Variants in CRLF3 observed in about 807,000 individuals in gnomAD.
CRLF3 encodes the protein cytokine receptor-like factor 3.
CRLF3 carries 33 observed loss-of-function variants against 55.0 expected under a neutral mutation model. That is an observed-to-expected ratio of 0.60 (90% CI 0.46 to 0.80). The LOEUF (loss-of-function observed/expected upper bound fraction) is 0.80, where lower values mean the gene tolerates loss of function less well. Ranked by LOEUF, CRLF3 falls within the 30% of genes least tolerant of loss-of-function variation. The pLI is 0.00. For synonymous variants in CRLF3, 238 were observed against 196.8 expected (o/e 1.21, Z -1.75); for missense variants, 494 against 538.4 (o/e 0.92, Z 0.82).
At chr17:30,791,956 C>G (rs1971811732) in intron 6 of CRLF3, among the ~76,000 whole-genome samples, 1 of 152,134 alleles carries the variant, frequency 6.6e-6, no homozygotes. Context: ...AAGCAATTCT[C>G]CTGCCTCAGC....
intron 4 of CRLF3, among the ~76,000 whole-genome samples, chr17:30,794,409 G>A (rs962516315): frequency 6.6e-6 from 1 of 152,024 alleles, no homozygotes; most frequent in Non-Finnish European, 1.5e-5. Flanking sequence ...ATAAATAAGC[G>A]TTCTACAGGA....
Position 30,797,307 on chromosome 17 carries a change from T to A in CRLF3, c.425+4A>T, listed in dbSNP as rs1466627240. On this transcript the variant is annotated splice_donor_region_variant and intron_variant, in intron 3 of 7. Transcript: ENST00000324238. ...GTAAGTCAAAAAGGCACAAACTCTT[T>A]TACCTGTCCAACTGAATGTGCGAGG... 6.2e-7 allele frequency: 1 copy of A among 1,607,128 alleles called. No individual in the cohort carries two copies. The highest frequency in any genetic ancestry group is 1.3e-5 in the African/African-American group (1 of 74,924).
intron 1 of CRLF3, among the ~76,000 whole-genome samples, chr17:30,813,041 A>T (rs1904670865): frequency 1.3e-5 from 2 of 152,186 alleles, no homozygotes; most frequent in Non-Finnish European, 2.9e-5. Flanking sequence ...CAGGAGAACT[A>T]CCTATCTGAG....
intron 6 of CRLF3, chr17:30,790,952 T>G (rs992185376): frequency 1.4e-5 from 2 of 146,438 alleles, no homozygotes; most frequent in Non-Finnish European, 3.0e-5. Context: ...GGAGTCTCGC[T>G]CAGTCACCCA....
chr17:30,796,010 C>T, intron 4 of CRLF3, 150 bp downstream of exon 4: 1 of 462,428 alleles, frequency 2.2e-6, no homozygotes, highest in Non-Finnish European at 3.8e-6. Context: ...CTCAGTGTTC[C>T]ATGTGACTTC....
chr17:30,785,816 A>T (rs912943833), intron 7 of CRLF3, 103 bp downstream of exon 7: 3 of 617,692 alleles, frequency 4.9e-6, no homozygotes, highest in Non-Finnish European at 8.2e-6. Flanking sequence ...AAATACCTAA[A>T]TTTTCTCATC....
intron 6 of CRLF3, among the ~76,000 whole-genome samples, chr17:30,787,045 G>C (rs1373543307): frequency 6.6e-6 from 1 of 152,068 alleles, no homozygotes; most frequent in East Asian, 1.9e-4. Flanking sequence ...ATGTTGCTCA[G>C]GCTGGTCTTG....
chr17:30,804,117 A>G lies in CRLF3; in HGVS notation c.130-9T>C, dbSNP rs748446679. The G allele has an allele frequency of 7.0e-6, 11 of 1,580,582 alleles. No homozygotes were observed. Among genetic ancestry groups the G allele is most frequent in the Non-Finnish European group, 8.7e-6 (10 of 1,151,404 alleles). ...GATGCACTTTCTTTGATCTAAAAAG[A>G]AATAACAAAATACTCAAAATCAGAA... is the stretch of plus-strand genomic sequence containing the variant. On this transcript the variant is annotated splice_polypyrimidine_tract_variant and intron_variant, in intron 1 of 7. Transcript: ENST00000324238.
chr17:30,815,084 C>CTTTTTTTTTTTTTT (rs541526248), intron 1 of CRLF3, among the ~76,000 whole-genome samples: 8 of 107,528 alleles, frequency 7.4e-5, no homozygotes, highest in Admixed American at 1.0e-4. Flanking sequence ...TTCTTTCTTT[C>CTTTTTTTTTTTTTT]TTTTTTTTTT....
At chr17:30,790,418 G>T (rs553736646) in intron 6 of CRLF3, among the ~76,000 whole-genome samples, 1 of 151,914 alleles carries the variant, frequency 6.6e-6, no homozygotes, top group Admixed American at 6.6e-5. Context: ...CAAGAAAAAA[G>T]AAACTTTTCC....
rs148294038 is a variant in CRLF3 at position 30,820,722 on chromosome 17, G to A, written c.129+3801C>T. On this transcript the variant is annotated intron_variant, in intron 1 of 7. Transcript: ENST00000324238. ...CAGGAGAATCTCTTGAACCCAAGAG[G>A]CGGAGGTTGCAGTGAGCCTAAGGTT... Among the ~76,000 whole-genome samples, 1,311 of 151,756 alleles carry A rather than the reference G, an allele frequency of 8.6e-3. 20 individuals carry two copies. The highest frequency in any genetic ancestry group is 0.03 in the African/African-American group (1,235 of 41,362).
chr17:30,823,172 G>A (rs907441117), intron 1 of CRLF3, among the ~76,000 whole-genome samples: 46 of 151,998 alleles, frequency 3.0e-4, no homozygotes, highest in African/African-American at 1.1e-3. Context: ...GATCATCCTG[G>A]CCAACCTGGT....
At chr17:30,792,993 G>GA (rs1377089432) in intron 5 of CRLF3, among the ~76,000 whole-genome samples, 3 of 147,866 alleles carry the variant, frequency 2.0e-5, no homozygotes, top group South Asian at 4.3e-4. Context: ...CCAGTCTCTA[G>GA]AAAAAAATAA....
At chr17:30,791,155 T>G (rs920028717) in intron 6 of CRLF3, among the ~76,000 whole-genome samples, 16 of 151,904 alleles carry the variant, frequency 1.1e-4, no homozygotes, top group African/African-American at 3.6e-4. Context: ...ACTGCAACAT[T>G]TGCCTCCCGG....
At chr17:30,816,023 C>T (rs372002029) in intron 1 of CRLF3, among the ~76,000 whole-genome samples, 3 of 149,530 alleles carry the variant, frequency 2.0e-5, no homozygotes, top group East Asian at 2.0e-4. Context: ...GTGGCTCACA[C>T]CTGTAATCCC....
At chr17:30,794,031 G>A (rs900560664) in intron 4 of CRLF3, among the ~76,000 whole-genome samples, 1 of 151,814 alleles carries the variant, frequency 6.6e-6, no homozygotes, top group Non-Finnish European at 1.5e-5. Context: ...GTAGAGACTG[G>A]GCTTCACCAT....
At chr17:30,788,248 A>G (rs1227059022) in intron 6 of CRLF3, among the ~76,000 whole-genome samples, 1 of 151,696 alleles carries the variant, frequency 6.6e-6, no homozygotes, top group East Asian at 1.9e-4. Flanking sequence ...GGGTCGCTTG[A>G]ACCTGAGAGG....
At chr17:30,794,116 G>A (rs566821332) in intron 4 of CRLF3, among the ~76,000 whole-genome samples, 3 of 152,230 alleles carry the variant, frequency 2.0e-5, no homozygotes, top group South Asian at 2.1e-4. Context: ...CTATAGGCGT[G>A]AGACACTGCG....
At chr17:30,812,037 G>A (rs1267492659) in intron 1 of CRLF3, among the ~76,000 whole-genome samples, 1 of 152,036 alleles carries the variant, frequency 6.6e-6, no homozygotes, top group South Asian at 2.1e-4. Flanking sequence ...GTGAGCGGGG[G>A]AGGCGGAGCT....
Sources: gnomAD v4.1 joint callset for allele counts (sites outside exome capture counted in the v4.1 genomes callset) on GRCh38, gnomAD v4.1.1 for gene constraint, MANE v1.5 for transcripts, NCBI Gene and HGNC (gene_info 2026-07-23, HGNC 2026-07-21) for gene names.